Variants in DUSP19 observed in about 807,000 individuals in gnomAD.
DUSP19 encodes the protein dual specificity protein phosphatase 19.
Under a neutral mutation model 16.6 loss-of-function variants are expected in DUSP19, and 14 were observed. That is an observed-to-expected ratio of 0.84 (90% confidence interval 0.56 to 1.32). The LOEUF is 1.32. Among genes scored for constraint, DUSP19 ranks in the 40% most tolerant of loss-of-function variants. The probability of loss-of-function intolerance (pLI) is 0.00; values close to 1 mark genes in which losing one functional copy is unlikely to be tolerated. For synonymous variants in DUSP19, 81 were observed against 90.5 expected, an observed-to-expected ratio of 0.90 and a Z score of 0.59; for missense variants, 258 against 255.9, an observed-to-expected ratio of 1.01 and a Z score of -0.06.
chr2:183,091,186 T>A (rs1699727871), intron 3 of DUSP19, among the ~76,000 whole-genome samples: 1 of 152,164 alleles, frequency 6.6e-6, no homozygotes, highest in Non-Finnish European at 1.5e-5. Context: ...TCAATAGAAG[T>A]AAAAGTTCAT....
Position 183,095,512 on chromosome 2 carries a change from CA to C in DUSP19, c.511del (p.Thr171ProfsTer10). ...AATAGGTTTCCTGATGAATTCTGAACAAACCTCATTTACCAGTGCTTTTTCT... is the reference window on the plus strand; with the variant it reads ...AATAGGTTTCCTGATGAATTCTGAACAACCTCATTTACCAGTGCTTTTTCT... ...IVIGFLMNSE[Q>X]TSFTSAFSLV... On this transcript the variant is annotated frameshift_variant, in exon 4 of 4. Coordinates refer to ENST00000354221, the MANE Select transcript of DUSP19 (RefSeq NM_080876.4). LOFTEE classifies it high-confidence loss of function. The C allele has an allele frequency of 1.9e-6, 3 of 1,610,482 alleles. No homozygotes were observed. The highest frequency in any genetic ancestry group is 2.5e-6 in the Non-Finnish European group (3 of 1,178,598).
Position 183,098,373 on chromosome 2 carries a change from T to A in DUSP19, c.*2715T>A, listed in dbSNP as rs1699831181. 6.6e-6 allele frequency: 1 copy of A among 152,214 alleles called. No homozygotes were observed. The highest frequency in any genetic ancestry group is 6.5e-5 in the Admixed American group (1 of 15,274). 9.4% of individuals were successfully genotyped at this position (152,214 alleles called of 1,614,324 possible). ...ATAGATCAATGAATATAATTCAGTC[T>A]TTTAGGGGCACCAAGTAAAGCATAA... On this transcript the variant is annotated 3_prime_UTR_variant, in exon 4 of 4. Transcript: ENST00000354221.
At chr2:183,081,887 T>TAAA (rs199715327) in intron 1 of DUSP19, among the ~76,000 whole-genome samples, 2 of 144,584 alleles carry the variant, frequency 1.4e-5, no homozygotes, top group Non-Finnish European at 3.1e-5. Context: ...ATGGGTAACT[T>TAAA]AAAAAAAAAA....
rs1032337117 is a variant in DUSP19 at position 183,078,787 on chromosome 2, C to T, written c.-147C>T. The T allele has an allele frequency of 2.3e-5, 16 of 681,444 alleles. No homozygotes were observed. The highest frequency in any genetic ancestry group is 3.5e-5 in the Non-Finnish European group (14 of 404,408). 42.2% of individuals were successfully genotyped at this position (681,444 alleles called of 1,614,324 possible). The stretch of plus-strand genomic sequence containing the variant: ...GATAAACGGAGCTGGACGACTCAGT[C>T]TCTTGGTCTGTGGCTGCTGCGGTTA... On this transcript the variant is annotated 5_prime_UTR_variant, in exon 1 of 4. Transcript: ENST00000354221.
chr2:183,097,049 A>ATTTTATT lies in DUSP19; in HGVS notation c.*1391_*1392insTTTTATT. 1 of 147,732 alleles carries ATTTTATT rather than the reference A, an allele frequency of 6.8e-6. No homozygotes were observed. Among genetic ancestry groups the ATTTTATT allele is most frequent in the Non-Finnish European group, 1.5e-5 (1 of 67,188 alleles). 9.2% of individuals were successfully genotyped at this position (147,732 alleles called of 1,614,324 possible). On this transcript the variant is annotated 3_prime_UTR_variant, in exon 4 of 4. Coordinates refer to ENST00000354221, the MANE Select transcript of DUSP19 (RefSeq NM_080876.4). ...TTTTCTTTTTTTTTTTTTTCGAGACAGGGTCTTGCTCTGTCACCTAGGCTA... is the reference window on the plus strand; with the variant it reads ...TTTTCTTTTTTTTTTTTTTCGAGACATTTTATTGGGTCTTGCTCTGTCACCTAGGCTA...
intron 3 of DUSP19, 38 bp downstream of exon 3, chr2:183,087,230 A>G: frequency 1.3e-6 from 2 of 1,581,934 alleles, no homozygotes; most frequent in Middle Eastern, 1.7e-4. Context: ...GCAGAAGCAG[A>G]AATTTGAAAG....
intron 2 of DUSP19, among the ~76,000 whole-genome samples, chr2:183,084,503 A>T (rs1222235329): frequency 6.6e-6 from 1 of 152,150 alleles, no homozygotes; most frequent in Non-Finnish European, 1.5e-5. Flanking sequence ...AGAAAGGTGG[A>T]TGCTTTCAGG....
chr2:183,087,818 ACAGGATTACAAT>A (rs1379577029), intron 3 of DUSP19, among the ~76,000 whole-genome samples: 3 of 152,328 alleles, frequency 2.0e-5, no homozygotes, highest in African/African-American at 7.2e-5. Context: ...CCTAACAATG[ACAGGATTACAAT>A]CAGGTTTAAT....
chr2:183,099,879 C>T lies in DUSP19; in HGVS notation c.*4221C>T, dbSNP rs1699852006. On this transcript the variant is annotated 3_prime_UTR_variant, in exon 4 of 4. Transcript: ENST00000354221. ...GGGCATGGTGGTGGGTGCCTGTAAT[C>T]CCAGCTTCTTAGGAGGCTGAGGTAG... 1 of 151,900 alleles carries T rather than the reference C, an allele frequency of 6.6e-6. No homozygotes were observed. The highest frequency in any genetic ancestry group is 1.5e-5 in the Non-Finnish European group (1 of 68,034). 9.4% of individuals were successfully genotyped at this position (151,900 alleles called of 1,614,324 possible).
In DUSP19 at chr2:183,096,864, TAC is replaced by T. The variant is rs1173941907; in HGVS notation, c.*1208_*1209del. ...TACTTTTAGGAGACCCACAATCATTTACAGTTTTATCTTTGGCCTTTGAATAG... is the reference window on the plus strand; with the variant it reads ...TACTTTTAGGAGACCCACAATCATTTAGTTTTATCTTTGGCCTTTGAATAG... On this transcript the variant is annotated 3_prime_UTR_variant, in exon 4 of 4. Transcript: ENST00000354221. The T allele has an allele frequency of 2.0e-5, 3 of 152,522 alleles. No individual in the cohort carries two copies. Among genetic ancestry groups the T allele is most frequent in the Admixed American group, 2.0e-4 (3 of 15,274 alleles). The allele number at this position is 152,522 out of a possible 1,614,324, so 9.4% of individuals were successfully genotyped here.
rs71008261 is a variant in DUSP19, at chr2:183,085,847, G to GTTTTTTTT, written c.274-1164_274-1157dup. On this transcript the variant is annotated intron_variant, in intron 2 of 3. Transcript: ENST00000354221. ...GTACAGATGTGGACAAGGTTGTTAG[G>GTTTTTTTT]TTTTTTTTTTTTTTTTTTTTTTTTT... Among the ~76,000 whole-genome samples, 8 of 50,920 alleles carry GTTTTTTTT rather than the reference G, an allele frequency of 1.6e-4. 3 individuals are homozygous for GTTTTTTTT. In the East Asian group the frequency reaches 3.4e-3, roughly 22 times the overall value. 33.4% of individuals were successfully genotyped at this position (50,920 alleles called of 152,430 possible).
At position 183,083,565 on chromosome 2, in the gene DUSP19, G is replaced by A; in HGVS notation, c.273+11G>A. ...CTGAAAAAGAATAAGGTAAAAAAAT[G>A]CTTTAAGTCTGGCACCATATACACA... On this transcript the variant is annotated intron_variant, in intron 2 of 3. Transcript: ENST00000354221. 6.2e-7 allele frequency: 1 copy of A among 1,608,904 alleles called. No homozygotes were observed. Among genetic ancestry groups the A allele is most frequent in the Non-Finnish European group, 8.5e-7 (1 of 1,177,282 alleles).
rs1332367044 is a variant in DUSP19, at chr2:183,098,450, ACT to A, written c.*2795_*2796del. The A allele has an allele frequency of 1.3e-5, 2 of 152,212 alleles. No homozygotes were observed. The highest frequency in any genetic ancestry group is 6.5e-5 in the Admixed American group (1 of 15,280). 9.4% of individuals were successfully genotyped at this position (152,212 alleles called of 1,614,324 possible). ...ATTGCACTTCCCATGGGGATAAATC[ACT>A]CTGTCATTCCTAGTTATTTTAAAAA... On this transcript the variant is annotated 3_prime_UTR_variant, in exon 4 of 4. Coordinates refer to ENST00000354221, the MANE Select transcript of DUSP19 (RefSeq NM_080876.4).
intron 1 of DUSP19, among the ~76,000 whole-genome samples, chr2:183,080,204 A>G (rs1699574920): frequency 6.6e-6 from 1 of 152,198 alleles, no homozygotes; most frequent in Non-Finnish European, 1.5e-5. Flanking sequence ...AATTTACTAG[A>G]TTAGCTGGTG....
intron 3 of DUSP19, among the ~76,000 whole-genome samples, chr2:183,091,509 A>G (rs960210653): frequency 1.3e-5 from 2 of 152,182 alleles, no homozygotes; most frequent in Admixed American, 1.3e-4. Context: ...TGCTCACCTT[A>G]TGTAAATGAA....
chr2:183,080,137 C>T (rs1699574159), intron 1 of DUSP19, among the ~76,000 whole-genome samples: 1 of 152,210 alleles, frequency 6.6e-6, no homozygotes, highest in Admixed American at 6.5e-5. Context: ...CTCCTGCTGT[C>T]CATTGTTATA....
intron 2 of DUSP19, among the ~76,000 whole-genome samples, chr2:183,086,122 C>CT (rs550971859): frequency 4.2e-4 from 64 of 152,074 alleles, no homozygotes; most frequent in African/African-American, 1.5e-3. Context: ...ACAACCACAC[C>CT]TCCCCTTACT....
intron 1 of DUSP19, among the ~76,000 whole-genome samples, chr2:183,081,849 A>T (rs937940941): frequency 6.6e-6 from 1 of 152,150 alleles, no homozygotes; most frequent in Non-Finnish European, 1.5e-5. Context: ...ACCTAAAATC[A>T]CATAATAAAA....
At chr2:183,079,291 A>T (rs565370303) in intron 1 of DUSP19, 132 bp downstream of exon 1, 6 of 902,138 alleles carry the variant, frequency 6.7e-6, no homozygotes, top group Admixed American at 5.8e-5. Flanking sequence ...CCTTTTTTGG[A>T]TATGGAACTT....
Sources: allele counts gnomAD v4.1 joint callset (sites outside exome capture counted in the v4.1 genomes callset), GRCh38; gene constraint gnomAD v4.1.1; transcripts MANE v1.5; gene names NCBI Gene and HGNC (gene_info 2026-07-23, HGNC 2026-07-21).